FMNL2: variants seen among roughly 807,000 people sequenced by gnomAD.
The protein encoded by FMNL2 is formin-like protein 2.
A neutral mutation model predicts 130.2 loss-of-function variants in FMNL2; 51 were observed. That is an observed-to-expected ratio of 0.39 (90% confidence interval 0.31 to 0.49). The LOEUF is 0.49. FMNL2 is among the 20% of genes least tolerant of loss of function. The pLI is 0.85. For missense variants in FMNL2, 977 were observed against 1,316.2 expected (o/e 0.74, Z 3.99); for synonymous variants, 465 against 467.1 (o/e 1.00, Z 0.06).
intron 9 of FMNL2, among the ~76,000 whole-genome samples, chr2:152,601,889 C>G (rs1233461313): frequency 2.0e-5 from 3 of 151,960 alleles, no homozygotes; most frequent in Non-Finnish European, 4.4e-5. Flanking sequence ...AGGCTGGTCT[C>G]AAACTCCTGA....
chr2:152,589,058 C>CT (rs1239750289), intron 9 of FMNL2, among the ~76,000 whole-genome samples: 4 of 149,358 alleles, frequency 2.7e-5, no homozygotes, highest in Non-Finnish European at 5.9e-5. Flanking sequence ...TATTCATTTA[C>CT]TTATCACGTC....
intron 24 of FMNL2, 25 bp from the exon 25 acceptor site, chr2:152,640,766 A>T: frequency 6.2e-7 from 1 of 1,609,952 alleles, no homozygotes; most frequent in Non-Finnish European, 8.5e-7. Context: ...TGGCCTCACT[A>T]ATCTCTGCCC....
At chr2:152,483,875 G>A (rs1690668935) in intron 1 of FMNL2, among the ~76,000 whole-genome samples, 1 of 152,194 alleles carries the variant, frequency 6.6e-6, no homozygotes, top group African/African-American at 2.4e-5. Flanking sequence ...TTTCCATGGA[G>A]AGGGGGAAAA....
chr2:152,611,476 C>G lies in FMNL2; in HGVS notation c.952-19C>G. The stretch of plus-strand genomic sequence containing the variant: ...AAAAAGTTTGGAGCCCATCTAACCC[C>G]TTGACAATTTCATTTCAGGTGGCTT... On this transcript the variant is annotated intron_variant, in intron 10 of 25. Transcript: ENST00000288670. The G allele has an allele frequency of 6.6e-7, 1 of 1,507,632 alleles. No individual in the cohort carries two copies. Among genetic ancestry groups the G allele is most frequent in the Non-Finnish European group, 9.1e-7 (1 of 1,102,186 alleles). 93.4% of individuals were successfully genotyped at this position (1,507,632 alleles called of 1,614,324 possible). A position where few individuals can be genotyped will look rare whatever the true frequency, so the allele number is the denominator to read the frequency against.
chr2:152,535,311 A>T (rs1231287832), intron 2 of FMNL2, among the ~76,000 whole-genome samples: 1 of 152,178 alleles, frequency 6.6e-6, no homozygotes, highest in African/African-American at 2.4e-5. Flanking sequence ...CCTGCCTCTT[A>T]TACTGTCCCA....
chr2:152,447,174 C>T (rs1426121362), intron 1 of FMNL2, among the ~76,000 whole-genome samples: 2 of 151,646 alleles, frequency 1.3e-5, no homozygotes, highest in Admixed American at 6.6e-5. Context: ...GATAATAGCT[C>T]ACTGCAGCCT....
intron 5 of FMNL2, 108 bp downstream of exon 5, chr2:152,558,931 G>A (rs781711009): frequency 3.1e-6 from 3 of 965,818 alleles, no homozygotes; most frequent in Admixed American, 2.3e-5. Flanking sequence ...AGAAGCAGAT[G>A]TGCTAGGGCT....
chr2:152,416,505 G>C (rs1454878692), intron 1 of FMNL2, among the ~76,000 whole-genome samples: 1 of 152,170 alleles, frequency 6.6e-6, no homozygotes, highest in Non-Finnish European at 1.5e-5. Flanking sequence ...TAGATGGTTG[G>C]CAAAGCTTCC....
intron 1 of FMNL2, among the ~76,000 whole-genome samples, chr2:152,456,432 C>T (rs1688960769): frequency 6.6e-6 from 1 of 152,168 alleles, no homozygotes; most frequent in African/African-American, 2.4e-5. Flanking sequence ...GAATTCCTGA[C>T]CTCAAGCGGT....
intron 1 of FMNL2, among the ~76,000 whole-genome samples, chr2:152,459,194 CAT>C (rs1291822855): frequency 6.6e-6 from 1 of 152,136 alleles, no homozygotes; most frequent in African/African-American, 2.4e-5. Flanking sequence ...TTTTTGAGAA[CAT>C]ATGGAGAGAA....
At chr2:152,427,005 A>G (rs1049080779) in intron 1 of FMNL2, among the ~76,000 whole-genome samples, 8 of 152,236 alleles carry the variant, frequency 5.3e-5, no homozygotes, top group African/African-American at 1.9e-4. Context: ...CATGGCATGT[A>G]ATAGCGAGTC....
At chr2:152,518,917 G>GT (rs1692923802) in intron 1 of FMNL2, among the ~76,000 whole-genome samples, 1 of 152,122 alleles carries the variant, frequency 6.6e-6, no homozygotes, top group African/African-American at 2.4e-5. Context: ...ATGGCTTCCC[G>GT]TGGCACTTCA....
At chr2:152,394,721 G>GTTTT (rs11407117) in intron 1 of FMNL2, among the ~76,000 whole-genome samples, 3 of 143,744 alleles carry the variant, frequency 2.1e-5, no homozygotes, top group African/African-American at 5.2e-5. Context: ...TAACTGTTGG[G>GTTTT]TTTTTTTTTT....
At chr2:152,578,313 C>T (rs1696587207) in intron 7 of FMNL2, among the ~76,000 whole-genome samples, 1 of 152,122 alleles carries the variant, frequency 6.6e-6, no homozygotes, top group South Asian at 2.1e-4. Context: ...TAACTGGAGA[C>T]CTCACCAGTA....
chr2:152,404,318 T>G (rs557303922), intron 1 of FMNL2, among the ~76,000 whole-genome samples: 46 of 152,216 alleles, frequency 3.0e-4, no homozygotes, highest in Non-Finnish European at 2.2e-4. Context: ...AACATTTTGT[T>G]TTTTGGTTAT....
At chr2:152,621,185 A>G in intron 15 of FMNL2, 1 of 960,138 alleles carries the variant, frequency 1.0e-6, no homozygotes, top group Non-Finnish European at 1.2e-6. Flanking sequence ...ACTTGCTGTG[A>G]GATGTGTCTG....
chr2:152,534,810 C>G, intron 2 of FMNL2, among the ~76,000 whole-genome samples: 1 of 152,210 alleles, frequency 6.6e-6, no homozygotes, highest in Non-Finnish European at 1.5e-5. Context: ...AATAAATTCT[C>G]GCTAGTCTAA....
chr2:152,644,488 C>T (rs1390370408), intron 25 of FMNL2, among the ~76,000 whole-genome samples: 2 of 152,140 alleles, frequency 1.3e-5, no homozygotes, highest in Non-Finnish European at 2.9e-5. Flanking sequence ...ACACAGGGAG[C>T]CCTTTTAACC....
intron 1 of FMNL2, among the ~76,000 whole-genome samples, chr2:152,401,013 C>T (rs1205105333): frequency 6.6e-6 from 1 of 152,192 alleles, no homozygotes; most frequent in East Asian, 1.9e-4. Flanking sequence ...ACTCAGTTCT[C>T]AATAAAGTTA....
Sources: allele counts gnomAD v4.1 joint callset (sites outside exome capture counted in the v4.1 genomes callset), GRCh38; gene constraint gnomAD v4.1.1; transcripts MANE v1.5; gene names NCBI Gene and HGNC (gene_info 2026-07-23, HGNC 2026-07-21).